BAALC: variants seen among roughly 807,000 people sequenced by gnomAD.
The protein encoded by BAALC is brain and acute leukemia cytoplasmic protein.
BAALC carries 9 observed loss-of-function variants against 15.5 expected under a neutral mutation model. The ratio of observed to expected loss-of-function variants is 0.58; its 90% confidence interval spans 0.35 to 1.02. The LOEUF (loss-of-function observed/expected upper bound fraction) is 1.02. BAALC is among the 50% of genes least tolerant of loss of function. The pLI, the probability that BAALC is intolerant of heterozygous loss-of-function variation, is 0.02. For missense variants in BAALC, 201 were observed against 192.4 expected (o/e 1.04, Z -0.27); for synonymous variants, 80 against 74.6 (o/e 1.07, Z -0.37).
chr8:103,195,868 C>A (rs1812084448), intron 1 of BAALC, among the ~76,000 whole-genome samples: 1 of 152,118 alleles, frequency 6.6e-6, no homozygotes, highest in African/African-American at 2.4e-5. Flanking sequence ...GCTCCCAGAC[C>A]AATGGGGCAA....
intron 1 of BAALC, chr8:103,166,173 C>T (rs1323406369): frequency 6.6e-6 from 1 of 152,604 alleles, no homozygotes; most frequent in Middle Eastern, 3.2e-3. Context: ...TTTAGGGATT[C>T]AGAATTTAAT....
chr8:103,209,908 T>G (rs1812414708), intron 1 of BAALC, among the ~76,000 whole-genome samples: 1 of 152,216 alleles, frequency 6.6e-6, no homozygotes, highest in Non-Finnish European at 1.5e-5. Context: ...TGGAGGACAC[T>G]GAGTAGCACT....
chr8:103,170,326 T>C (rs1163961698), intron 1 of BAALC, among the ~76,000 whole-genome samples: 2 of 152,096 alleles, frequency 1.3e-5, no homozygotes, highest in Non-Finnish European at 2.9e-5. Context: ...CAGAGTAGAA[T>C]TGTATCCCCC....
At chr8:103,177,196 T>TTG (rs1399359711) in intron 1 of BAALC, among the ~76,000 whole-genome samples, 10 of 72,436 alleles carry the variant, frequency 1.4e-4, no homozygotes, top group East Asian at 4.1e-4. Context: ...TTGTTTTGTT[T>TTG]TTTTTTTTTT....
intron 1 of BAALC, among the ~76,000 whole-genome samples, chr8:103,157,319 AT>A (rs1811118338): frequency 6.6e-6 from 1 of 152,090 alleles, no homozygotes; most frequent in Non-Finnish European, 1.5e-5. Flanking sequence ...TTCAAGCTAT[AT>A]ATATATATAT....
intron 1 of BAALC, among the ~76,000 whole-genome samples, chr8:103,158,685 A>AATAC (rs76527054): frequency 0.38 from 57,971 of 150,652 alleles, 11,334 homozygotes; most frequent in East Asian, 0.44. Context: ...CAATACATAC[A>AATAC]ATACATACAT....
At position 103,154,232 on chromosome 8, in the gene BAALC, G is replaced by C. The variant is rs541879322; in HGVS notation, c.160+13175G>C. On this transcript the variant is annotated intron_variant, in intron 1 of 2. Coordinates refer to ENST00000309982, the MANE Select transcript of BAALC (RefSeq NM_024812.3). ...CTCTGTTATTTCCATTTTACAGAAGGGGGTAGTCAGAGCGGTGGGATGGCT... is the reference window on the plus strand; with the variant it reads ...CTCTGTTATTTCCATTTTACAGAAGCGGGTAGTCAGAGCGGTGGGATGGCT... 1.9e-3 allele frequency among the ~76,000 whole-genome samples: 293 copies of C among 152,240 alleles called. 2 individuals carry two copies. Among genetic ancestry groups the C allele is most frequent in the Non-Finnish European group, 2.9e-3 (196 of 68,020 alleles).
intron 1 of BAALC, among the ~76,000 whole-genome samples, chr8:103,144,315 A>C (rs950390764): frequency 6.6e-6 from 1 of 152,212 alleles, no homozygotes; most frequent in African/African-American, 2.4e-5. Flanking sequence ...GATCATCTCC[A>C]CTACTCAATG....
intron 1 of BAALC, among the ~76,000 whole-genome samples, chr8:103,199,307 A>G (rs1428999458): frequency 6.6e-6 from 1 of 152,344 alleles, no homozygotes; most frequent in East Asian, 1.9e-4. Flanking sequence ...TCCTTTCAAC[A>G]TGTAATATTA....
At chr8:103,190,960 C>G (rs1163320653) in intron 1 of BAALC, 1 of 152,220 alleles carries the variant, frequency 6.6e-6, no homozygotes, top group Non-Finnish European at 1.5e-5. Context: ...CTTTGGAAGG[C>G]TGAGGCGGGG....
At chr8:103,157,660 A>T (rs1293771006) in intron 1 of BAALC, among the ~76,000 whole-genome samples, 5 of 152,148 alleles carry the variant, frequency 3.3e-5, no homozygotes, top group African/African-American at 7.2e-5. Context: ...AATTATTTTT[A>T]AAAAATTAGC....
intron 2 of BAALC, among the ~76,000 whole-genome samples, chr8:103,215,778 G>A (rs958395407): frequency 3.3e-5 from 5 of 152,312 alleles, no homozygotes; most frequent in Admixed American, 1.3e-4. Context: ...AACATACTCC[G>A]TCCAAAGTGG....
intron 1 of BAALC, among the ~76,000 whole-genome samples, chr8:103,171,431 AAAAG>A (rs976362408): frequency 2.8e-5 from 4 of 145,120 alleles, no homozygotes; most frequent in African/African-American, 7.7e-5. Flanking sequence ...AATGAAAATA[AAAAG>A]AAAGAGAAAG....
chr8:103,217,742 C>T (rs1563657218), intron 2 of BAALC, among the ~76,000 whole-genome samples: 1 of 152,190 alleles, frequency 6.6e-6, no homozygotes, highest in Admixed American at 6.5e-5. Context: ...ATTTACAAAA[C>T]AAATTTGTAT....
At chr8:103,214,416 A>T (rs1417665967) in intron 2 of BAALC, among the ~76,000 whole-genome samples, 1 of 152,264 alleles carries the variant, frequency 6.6e-6, no homozygotes, top group Non-Finnish European at 1.5e-5. Context: ...GTGAGTGATT[A>T]AAAGCAAGCA....
intron 1 of BAALC, among the ~76,000 whole-genome samples, chr8:103,156,224 G>A (rs769695238): frequency 4.6e-5 from 7 of 152,272 alleles, no homozygotes; most frequent in Non-Finnish European, 8.8e-5. Flanking sequence ...AAATAGCTCA[G>A]CACATGCTGA....
At chr8:103,161,215 C>T (rs1033793014) in intron 1 of BAALC, among the ~76,000 whole-genome samples, 1 of 152,072 alleles carries the variant, frequency 6.6e-6, no homozygotes, top group African/African-American at 2.4e-5. Flanking sequence ...TTCATTATCT[C>T]TGCCCCCTTT....
chr8:103,171,283 AAG>A (rs3041493), intron 1 of BAALC, among the ~76,000 whole-genome samples: 4 of 144,950 alleles, frequency 2.8e-5, no homozygotes, highest in Admixed American at 6.9e-5. Context: ...AAAAGAAAGA[AAG>A]AGAGAAGGAA....
chr8:103,163,012 C>G (rs1473258048), intron 1 of BAALC, among the ~76,000 whole-genome samples: 2 of 152,092 alleles, frequency 1.3e-5, no homozygotes, highest in Non-Finnish European at 2.9e-5. Context: ...TACTGAAACT[C>G]TTATCACAAA....
Sources: gnomAD v4.1 joint callset for allele counts (sites outside exome capture counted in the v4.1 genomes callset) on GRCh38, gnomAD v4.1.1 for gene constraint, MANE v1.5 for transcripts, NCBI Gene and HGNC (gene_info 2026-07-23, HGNC 2026-07-21) for gene names.